FAM13A: variants seen among roughly 807,000 people sequenced by gnomAD.
FAM13A encodes family with sequence similarity 13 member A.
In FAM13A, 76 loss-of-function variants were observed where a neutral mutation model predicts 129.6. The ratio of observed to expected loss-of-function variants is 0.59; its 90% CI spans 0.49 to 0.71. The LOEUF (loss-of-function observed/expected upper bound fraction) is 0.71, where lower values mean the gene tolerates loss of function less well. FAM13A is among the 30% of genes least tolerant of loss of function. The pLI, the probability that FAM13A is intolerant of heterozygous loss-of-function variation, is 0.00. For missense variants in FAM13A, 1,108 were observed against 1,249.3 expected, an observed-to-expected ratio of 0.89 and a Z score of 1.70; for synonymous variants, 443 against 449.9, an observed-to-expected ratio of 0.98 and a Z score of 0.20.
intron 4 of FAM13A, among the ~76,000 whole-genome samples, chr4:88,961,470 C>G (rs899262490): frequency 6.9e-6 from 1 of 144,004 alleles, no homozygotes; most frequent in Admixed American, 7.3e-5. Context: ...TGGGTTCAAG[C>G]AATTCTCCTA....
Position 88,747,627 on chromosome 4 carries a change from G to A in FAM13A, c.2382+4C>T, listed in dbSNP as rs117268329. ...GGGCTTAGCACTTCACAGAATGATC[G>A]CACCTTAATGTCCTCAGGGCGGCTG... On this transcript the variant is annotated splice_donor_region_variant and intron_variant, in intron 18 of 23. Transcript: ENST00000264344. The A allele has an allele frequency of 2.4e-4, 393 of 1,612,220 alleles. 4 individuals are homozygous for A. In the East Asian group the frequency reaches 8.4e-3, roughly 35 times the overall value.
chr4:88,938,556 A>T (rs1754203785), intron 4 of FAM13A, among the ~76,000 whole-genome samples: 1 of 152,352 alleles, frequency 6.6e-6, no homozygotes, highest in East Asian at 1.9e-4. Flanking sequence ...AAGTAAAAAA[A>T]GAATGAGGGT....
At chr4:88,892,328 C>T (rs1361075820) in intron 6 of FAM13A, among the ~76,000 whole-genome samples, 5 of 151,814 alleles carry the variant, frequency 3.3e-5, no homozygotes, top group South Asian at 2.1e-4. Context: ...TACAGGCGCC[C>T]GCCACCACGC....
chr4:88,947,775 G>A (rs1251508250), intron 4 of FAM13A, among the ~76,000 whole-genome samples: 1 of 151,760 alleles, frequency 6.6e-6, no homozygotes, highest in Non-Finnish European at 1.5e-5. Flanking sequence ...AATCCCAAAT[G>A]CAGCTAACTG....
intron 6 of FAM13A, among the ~76,000 whole-genome samples, chr4:88,860,961 A>C (rs1267600258): frequency 6.6e-6 from 1 of 152,190 alleles, no homozygotes; most frequent in Non-Finnish European, 1.5e-5. Flanking sequence ...ATAGGTGAAC[A>C]CTTTATTTTA....
intron 4 of FAM13A, among the ~76,000 whole-genome samples, chr4:88,982,172 A>G (rs928467877): frequency 6.6e-6 from 1 of 152,238 alleles, no homozygotes; most frequent in Non-Finnish European, 1.5e-5. Context: ...TTGTGTTGAG[A>G]AATTTTACTG....
chr4:88,820,587 T>C (rs933744137), intron 7 of FAM13A, among the ~76,000 whole-genome samples: 2 of 152,218 alleles, frequency 1.3e-5, no homozygotes, highest in African/African-American at 2.4e-5. Context: ...TGTTGAGTAG[T>C]ATAATGCTAG....
In FAM13A at chr4:88,790,639, A is replaced by C; in HGVS notation, c.1050-12T>G. ...GGGGTACATGAGCACTGCAGAAAAG[A>C]AGCAAAGAGAAAGTCAGGTTAGATG... On this transcript the variant is annotated splice_polypyrimidine_tract_variant and intron_variant, in intron 8 of 23. Coordinates refer to ENST00000264344, the MANE Select transcript of FAM13A (RefSeq NM_014883.4). 2.5e-6 allele frequency: 4 copies of C among 1,610,016 alleles called. No homozygotes were observed. In the South Asian group the frequency reaches 3.3e-5, roughly 13 times the overall value.
intron 22 of FAM13A, chr4:88,731,763 G>A (rs1485122027): frequency 7.6e-6 from 4 of 523,816 alleles, no homozygotes; most frequent in Non-Finnish European, 1.3e-5. Context: ...AGAACCACAC[G>A]ATGCCCTTTA....
intron 13 of FAM13A, among the ~76,000 whole-genome samples, chr4:88,763,882 T>G (rs1745258272): frequency 6.6e-6 from 1 of 152,210 alleles, no homozygotes; most frequent in East Asian, 1.9e-4. Flanking sequence ...ACTCCAAAGC[T>G]TCATTAGGCT....
intron 3 of FAM13A, among the ~76,000 whole-genome samples, chr4:88,996,609 C>A (rs1477370295): frequency 6.6e-6 from 1 of 152,188 alleles, no homozygotes; most frequent in Non-Finnish European, 1.5e-5. Flanking sequence ...TACCATCTAG[C>A]AGGTGAGACA....
At chr4:88,757,900 C>T (rs965319482) in intron 14 of FAM13A, among the ~76,000 whole-genome samples, 2 of 152,144 alleles carry the variant, frequency 1.3e-5, no homozygotes, top group African/African-American at 4.8e-5. Flanking sequence ...ACAGCTAAGA[C>T]CTCCTGGTAA....
intron 1 of FAM13A, among the ~76,000 whole-genome samples, chr4:89,056,026 G>A (rs1772163186): frequency 6.6e-6 from 1 of 152,178 alleles, no homozygotes; most frequent in Admixed American, 6.6e-5. Flanking sequence ...CACAAAAAAA[G>A]AGGATCTGGC....
At chr4:88,792,815 C>T (rs1278435814) in intron 8 of FAM13A, among the ~76,000 whole-genome samples, 1 of 152,036 alleles carries the variant, frequency 6.6e-6, no homozygotes, top group Non-Finnish European at 1.5e-5. Context: ...TCCTTTTGAA[C>T]TGTCTTCTTT....
At chr4:88,949,143 C>T (rs570415654) in intron 4 of FAM13A, among the ~76,000 whole-genome samples, 4 of 152,202 alleles carry the variant, frequency 2.6e-5, no homozygotes, top group South Asian at 4.2e-4. Flanking sequence ...TCAATGATGA[C>T]GTTTATGTGT....
At chr4:88,826,376 T>G (rs1057061533) in intron 7 of FAM13A, among the ~76,000 whole-genome samples, 1 of 151,644 alleles carries the variant, frequency 6.6e-6, no homozygotes, top group South Asian at 2.1e-4. Context: ...TAAAATGGGT[T>G]CCCTAGCATC....
chr4:88,956,606 G>C (rs541885613), intron 4 of FAM13A, among the ~76,000 whole-genome samples: 1 of 152,246 alleles, frequency 6.6e-6, no homozygotes, highest in Admixed American at 6.5e-5. Context: ...CACAAACTTA[G>C]TGGCTTAAAA....
chr4:88,789,020 C>G (rs926849042), intron 9 of FAM13A, among the ~76,000 whole-genome samples: 7 of 152,076 alleles, frequency 4.6e-5, no homozygotes, highest in African/African-American at 1.7e-4. Flanking sequence ...TATTTAATCA[C>G]AGTACAGAGG....
At chr4:89,043,704 A>C (rs1770465273) in intron 1 of FAM13A, among the ~76,000 whole-genome samples, 1 of 152,196 alleles carries the variant, frequency 6.6e-6, no homozygotes, top group Non-Finnish European at 1.5e-5. Flanking sequence ...TTTAATAAGG[A>C]TGTGACAATA....
Sources: allele counts gnomAD v4.1 joint callset (sites outside exome capture counted in the v4.1 genomes callset), GRCh38; gene constraint gnomAD v4.1.1; transcripts MANE v1.5; gene names NCBI Gene and HGNC (gene_info 2026-07-23, HGNC 2026-07-21).